The following BCAR3 variants were observed in gnomAD, a reference collection of about 807,000 sequenced individuals.
The protein encoded by BCAR3 is BCAR3 adaptor protein, NSP family member.
BCAR3 carries 37 observed loss-of-function variants against 80.1 expected under a neutral mutation model. The ratio of observed to expected loss-of-function variants is 0.46; its 90% CI spans 0.36 to 0.61. The LOEUF is 0.61. BCAR3 is among the 20% of genes least tolerant of loss of function. BCAR3 has a pLI of 0.00. For synonymous variants in BCAR3, 389 were observed against 418.9 expected, an observed-to-expected ratio of 0.93 and a Z score of 0.87; for missense variants, 978 against 1,068.2, an observed-to-expected ratio of 0.92 and a Z score of 1.18.
At chr1:93,637,964 G>C in intron 3 of BCAR3, among the ~76,000 whole-genome samples, 1 of 152,164 alleles carries the variant, frequency 6.6e-6, no homozygotes, top group South Asian at 2.1e-4. Context: ...GAACAAAAGT[G>C]TGGGCTGGGG....
intron 2 of BCAR3, among the ~76,000 whole-genome samples, chr1:93,714,257 G>A (rs925690934): frequency 5.3e-5 from 8 of 152,068 alleles, no homozygotes; most frequent in Admixed American, 2.0e-4. Context: ...CTGGGATTAC[G>A]GGCGTGAGCC....
chr1:93,587,835 C>T (rs1674011201), intron 5 of BCAR3, among the ~76,000 whole-genome samples: 1 of 152,154 alleles, frequency 6.6e-6, no homozygotes, highest in South Asian at 2.1e-4. Flanking sequence ...TGCCTTTTCC[C>T]TCCTTTCCTT....
chr1:93,683,251 A>C (rs895644875), upstream of BCAR3, among the ~76,000 whole-genome samples: 6 of 152,224 alleles, frequency 3.9e-5, no homozygotes, highest in African/African-American at 1.4e-4. Context: ...AAAATATCTC[A>C]ATTTATTAAC....
At chr1:93,635,121 G>A (rs1343376025) in intron 3 of BCAR3, among the ~76,000 whole-genome samples, 1 of 152,044 alleles carries the variant, frequency 6.6e-6, no homozygotes, top group East Asian at 1.9e-4. Flanking sequence ...GCTACTCAGT[G>A]AGGTGGGAGG....
chr1:93,675,939 A>AAAAAAAAAAAAC (rs1648464859), intron 1 of BCAR3, among the ~76,000 whole-genome samples: 1 of 149,346 alleles, frequency 6.7e-6, no homozygotes, highest in African/African-American at 2.5e-5. Context: ...AAAAAAAAAA[A>AAAAAAAAAAAAC]AAAAAAAAAA....
chr1:93,833,687 G>T (rs1013656079), intron 2 of BCAR3, among the ~76,000 whole-genome samples: 2 of 152,142 alleles, frequency 1.3e-5, no homozygotes, highest in African/African-American at 2.4e-5. Context: ...GGCCCCACAG[G>T]CAGTCAGACT....
At chr1:93,709,136 A>G (rs1393042126) in intron 2 of BCAR3, among the ~76,000 whole-genome samples, 1 of 152,212 alleles carries the variant, frequency 6.6e-6, no homozygotes, top group African/African-American at 2.4e-5. Context: ...TTCCCCTCCC[A>G]AGGGCATCTG....
chr1:93,816,508 T>C (rs1482772282), intron 2 of BCAR3, among the ~76,000 whole-genome samples: 1 of 151,200 alleles, frequency 6.6e-6, no homozygotes, highest in African/African-American at 2.4e-5. Context: ...CCATCTCTAC[T>C]AAAAATACAA....
At chr1:93,612,848 A>G (rs1455437587) in intron 3 of BCAR3, among the ~76,000 whole-genome samples, 1 of 152,194 alleles carries the variant, frequency 6.6e-6, no homozygotes, top group Non-Finnish European at 1.5e-5. Context: ...AGGGACAAAA[A>G]TGAACACTCC....
rs1322995702 is a variant in BCAR3, at chr1:93,586,556, A to G, written c.929+2421T>C. On this transcript the variant is annotated intron_variant, in intron 5 of 11. Transcript: ENST00000260502. The surrounding 1 kb of genome is among the most constrained non-coding windows in gnomAD (Gnocchi z 4.2). ...TATACTGATTTCCACTCTTCTGGGTATATACCCAGCAGTGGGATTGCTGGA... is the reference window on the plus strand; with the variant it reads ...TATACTGATTTCCACTCTTCTGGGTGTATACCCAGCAGTGGGATTGCTGGA... 6.6e-6 allele frequency among the ~76,000 whole-genome samples: 1 copy of G among 152,218 alleles called. No homozygotes were observed. Among genetic ancestry groups the G allele is most frequent in the African/African-American group, 2.4e-5 (1 of 41,448 alleles).
intron 2 of BCAR3, among the ~76,000 whole-genome samples, chr1:93,831,060 A>G (rs1386901951): frequency 6.6e-6 from 1 of 152,160 alleles, no homozygotes; most frequent in African/African-American, 2.4e-5. Flanking sequence ...GCGGTCACAG[A>G]CTCAGGAAGA....
chr1:93,811,508 C>T (rs1653840024), intron 2 of BCAR3, among the ~76,000 whole-genome samples: 1 of 152,198 alleles, frequency 6.6e-6, no homozygotes, highest in African/African-American at 2.4e-5. Flanking sequence ...TCTCTTTCCT[C>T]TTAGTTTTAA....
chr1:93,689,903 T>C (rs1434473912), intron 3 of BCAR3, among the ~76,000 whole-genome samples: 1 of 152,208 alleles, frequency 6.6e-6, no homozygotes, highest in Admixed American at 6.5e-5. Flanking sequence ...CTGACTTGCT[T>C]GGATGTACCA....
At chr1:93,782,052 G>C (rs1319804703) in intron 2 of BCAR3, among the ~76,000 whole-genome samples, 8 of 152,206 alleles carry the variant, frequency 5.3e-5, no homozygotes, top group Admixed American at 3.9e-4. Context: ...TAAAGGATGG[G>C]AGAAGGATCC....
intron 3 of BCAR3, among the ~76,000 whole-genome samples, chr1:93,687,450 G>T (rs1649014449): frequency 6.6e-6 from 1 of 152,186 alleles, no homozygotes; most frequent in African/African-American, 2.4e-5. Flanking sequence ...TGGGACTACA[G>T]GTGTGCGCCA....
Position 93,605,056 on chromosome 1 carries a change from G to T in BCAR3, c.358-12663C>A, listed in dbSNP as rs575353260. Among the ~76,000 whole-genome samples, 13 of 152,218 alleles carry T rather than the reference G, an allele frequency of 8.5e-5. No individual in the cohort carries two copies. The South Asian group carries it at 1.0e-3, about 12-fold the overall frequency. On this transcript the variant is annotated intron_variant, in intron 3 of 11. Coordinates refer to ENST00000260502, the MANE Select transcript of BCAR3 (RefSeq NM_003567.4). ...CGAAACACGATGAGATTTCCAACAGGCCATTTGTTAACATCTTGCCACGCT... is the reference window on the plus strand; with the variant it reads ...CGAAACACGATGAGATTTCCAACAGTCCATTTGTTAACATCTTGCCACGCT...
At chr1:93,675,038 T>C in intron 1 of BCAR3, 97 bp from the exon 2 acceptor site, 1 of 1,017,652 alleles carries the variant, frequency 9.8e-7, no homozygotes, top group East Asian at 2.8e-5. Flanking sequence ...CCACATAAAA[T>C]GAAATATTCA....
At chr1:93,846,462 C>G (rs1249361795) in intron 1 of BCAR3, among the ~76,000 whole-genome samples, 6 of 152,162 alleles carry the variant, frequency 3.9e-5, no homozygotes. Context: ...GCGGCTTTGA[C>G]CGTCTATTTC....
At chr1:93,770,497 A>C (rs75538092) in intron 2 of BCAR3, among the ~76,000 whole-genome samples, 4,037 of 152,216 alleles carry the variant, frequency 0.027, 76 homozygotes, top group Non-Finnish European at 0.036. Flanking sequence ...GCTCAGAGGC[A>C]AACATTTTTT....
Sources: gnomAD v4.1 joint callset for allele counts (sites outside exome capture counted in the v4.1 genomes callset) on GRCh38, gnomAD v4.1.1 for gene constraint, Gnocchi (gnomAD v3.1) non-coding constraint, MANE v1.5 for transcripts, NCBI Gene and HGNC (gene_info 2026-07-23, HGNC 2026-07-21) for gene names.